FHIT: variants seen among roughly 807,000 people sequenced by gnomAD.
FHIT encodes fragile histidine triad diadenosine triphosphatase.
A neutral mutation model predicts 17.9 loss-of-function variants in FHIT; 19 were observed. The observed-to-expected ratio is 1.06, with a 90% CI of 0.74 to 1.56. FHIT has a LOEUF of 1.56. Ranked by LOEUF, FHIT falls within the 40% of genes most tolerant of loss-of-function variation. The probability of loss-of-function intolerance (pLI) is 0.00; values close to 1 mark genes in which losing one functional copy is unlikely to be tolerated. For missense variants in FHIT, 248 were observed against 189.2 expected (o/e 1.31, Z -1.82); for synonymous variants, 81 against 69.7 (o/e 1.16, Z -0.81).
intron 1 of FHIT, among the ~76,000 whole-genome samples, chr3:61,219,818 T>C (rs1039646733): frequency 6.6e-6 from 1 of 152,184 alleles, no homozygotes; most frequent in Non-Finnish European, 1.5e-5. Context: ...TCTCAATCCA[T>C]GGATCCAAAC....
intron 4 of FHIT, among the ~76,000 whole-genome samples, chr3:60,748,577 C>T (rs1156603735): frequency 5.3e-5 from 8 of 152,056 alleles, no homozygotes; most frequent in Admixed American, 6.6e-5. Context: ...TTTGGGAGGC[C>T]GAGGTGGGCG....
At chr3:60,822,267 T>C (rs1196873697) in intron 3 of FHIT, among the ~76,000 whole-genome samples, 2 of 152,200 alleles carry the variant, frequency 1.3e-5, no homozygotes, top group Admixed American at 6.5e-5. Flanking sequence ...GCCTTAATTA[T>C]TCATTTCTGA....
intron 8 of FHIT, among the ~76,000 whole-genome samples, chr3:59,845,072 T>G (rs1311267393): frequency 6.6e-6 from 1 of 152,172 alleles, no homozygotes; most frequent in Non-Finnish European, 1.5e-5. Context: ...TGTGCTGGCA[T>G]GCAATTGTTT....
chr3:60,425,513 C>T (rs995210601), intron 5 of FHIT, among the ~76,000 whole-genome samples: 2 of 152,034 alleles, frequency 1.3e-5, no homozygotes, highest in African/African-American at 2.4e-5. Flanking sequence ...AGCCAACCTG[C>T]ACATGTACCC....
chr3:61,201,410 T>C (rs552939507), intron 1 of FHIT, among the ~76,000 whole-genome samples: 22 of 152,230 alleles, frequency 1.4e-4, no homozygotes, highest in Non-Finnish European at 2.9e-4. Flanking sequence ...ATCTTACTCA[T>C]AAGGTGCCTC....
chr3:60,554,412 T>A (rs994231973), intron 4 of FHIT, among the ~76,000 whole-genome samples: 2 of 152,220 alleles, frequency 1.3e-5, no homozygotes, highest in African/African-American at 4.8e-5. Context: ...TCAAAATTTC[T>A]ACTATATTAT....
Position 61,058,582 on chromosome 3 carries a change from C to T in FHIT, c.-163-16483G>A, listed in dbSNP as rs1163485500. 5.3e-5 allele frequency among the ~76,000 whole-genome samples: 8 copies of T among 152,106 alleles called. No individual in the cohort carries two copies. The East Asian group carries it at 1.5e-3, about 29-fold the overall frequency. On this transcript the variant is annotated intron_variant, in intron 2 of 9. Coordinates refer to ENST00000492590, the MANE Select transcript of FHIT (RefSeq NM_002012.4). ...GGTTGTTTAAAAGTGTGCAGCACTT[C>T]CCCCTTTAGTCTCTTTCTCCTGCTC... is the stretch of plus-strand genomic sequence containing the variant.
intron 5 of FHIT, among the ~76,000 whole-genome samples, chr3:60,167,915 C>T (rs926122932): frequency 6.6e-6 from 1 of 151,874 alleles, no homozygotes; most frequent in Non-Finnish European, 1.5e-5. Context: ...GCCTGTAGTC[C>T]CAGCTTTTTG....
At chr3:61,047,071 G>C (rs992976424) in intron 2 of FHIT, among the ~76,000 whole-genome samples, 3 of 152,194 alleles carry the variant, frequency 2.0e-5, no homozygotes, top group African/African-American at 7.2e-5. Context: ...CATTCCCTTT[G>C]AAACCTGGCA....
chr3:60,112,536 T>G (rs1164271067), intron 5 of FHIT, among the ~76,000 whole-genome samples: 2 of 152,198 alleles, frequency 1.3e-5, no homozygotes, highest in African/African-American at 4.8e-5. Flanking sequence ...CAGCTACGTT[T>G]ACCAGCAGAA....
In FHIT at chr3:59,885,441, C is replaced by G. The variant is rs1354467659; in HGVS notation, c.348+36905G>C. Among the ~76,000 whole-genome samples, 3 of 136,030 alleles carry G rather than the reference C, an allele frequency of 2.2e-5. No individual in the cohort carries two copies. In the East Asian group the frequency reaches 6.5e-4, roughly 29 times the overall value. 89.2% of individuals were successfully genotyped at this position (136,030 alleles called of 152,430 possible). The stretch of plus-strand genomic sequence containing the variant: ...TCTAGAAAGTACATGCTACCTGATG[C>G]TTTTTTTTTTTTTTTTTAACGATTG... On this transcript the variant is annotated intron_variant, in intron 8 of 9. Coordinates refer to ENST00000492590, the MANE Select transcript of FHIT (RefSeq NM_002012.4).
At chr3:59,976,160 A>T (rs973651419) in intron 7 of FHIT, among the ~76,000 whole-genome samples, 1 of 152,106 alleles carries the variant, frequency 6.6e-6, no homozygotes, top group Non-Finnish European at 1.5e-5. Context: ...CAAGTACTGG[A>T]TGCTGTCTGG....
At chr3:61,227,804 T>C (rs1400133944) in intron 1 of FHIT, among the ~76,000 whole-genome samples, 1 of 152,156 alleles carries the variant, frequency 6.6e-6, no homozygotes, top group African/African-American at 2.4e-5. Flanking sequence ...GTTTGCCCTT[T>C]CTACTAAAGC....
At chr3:60,815,460 GC>G (rs1313624406) in intron 4 of FHIT, among the ~76,000 whole-genome samples, 1 of 152,116 alleles carries the variant, frequency 6.6e-6, no homozygotes, top group African/African-American at 2.4e-5. Flanking sequence ...TATATGGCTA[GC>G]CAGTTATCCC....
At chr3:60,218,131 T>C (rs1703783485) in intron 5 of FHIT, among the ~76,000 whole-genome samples, 1 of 152,102 alleles carries the variant, frequency 6.6e-6, no homozygotes, top group Non-Finnish European at 1.5e-5. Flanking sequence ...TTTAACAACA[T>C]AAACAAAACT....
At chr3:60,012,654 A>C (rs1043260209) in intron 6 of FHIT, among the ~76,000 whole-genome samples, 6 of 152,172 alleles carry the variant, frequency 3.9e-5, no homozygotes, top group Non-Finnish European at 8.8e-5. Flanking sequence ...TTCCTTTATC[A>C]ATATAGGCAT....
intron 5 of FHIT, among the ~76,000 whole-genome samples, chr3:60,031,160 A>G (rs1050372675): frequency 6.6e-6 from 1 of 152,152 alleles, no homozygotes; most frequent in African/African-American, 2.4e-5. Context: ...TTTCTACAAA[A>G]CACGTTTTAT....
rs574079800 is a variant in FHIT at position 60,759,828 on chromosome 3, A to G, written c.-18+62091T>C. ...AAAGTGGGATGGAGAGAACATGTGC[A>G]GGCAACTCCTCTGATGTTCTTTGCT... On this transcript the variant is annotated intron_variant, in intron 4 of 9. Transcript: ENST00000492590. Among the ~76,000 whole-genome samples, 7 of 152,336 alleles carry G rather than the reference A, an allele frequency of 4.6e-5. No homozygotes were observed. The South Asian group carries it at 1.2e-3, about 27-fold the overall frequency.
chr3:60,535,299 C>A (rs1199260313), intron 5 of FHIT, among the ~76,000 whole-genome samples: 2 of 152,146 alleles, frequency 1.3e-5, no homozygotes, highest in Non-Finnish European at 2.9e-5. Flanking sequence ...TGAATTTAGA[C>A]AAATGGATCT....
Sources: gnomAD v4.1 joint callset for allele counts (sites outside exome capture counted in the v4.1 genomes callset) on GRCh38, gnomAD v4.1.1 for gene constraint, MANE v1.5 for transcripts, NCBI Gene and HGNC (gene_info 2026-07-23, HGNC 2026-07-21) for gene names.